PRELID3A: variants seen among roughly 807,000 people sequenced by gnomAD.
The protein encoded by PRELID3A is PRELI domain containing protein 3A.
A neutral mutation model predicts 23.0 loss-of-function variants in PRELID3A; 27 were observed. That is an observed-to-expected ratio of 1.17 (90% CI 0.87 to 1.62). PRELID3A has a LOEUF of 1.62. PRELID3A is among the 40% of genes most tolerant of loss of function. The probability of loss-of-function intolerance (pLI) is 0.00; values close to 1 mark genes in which losing one functional copy is unlikely to be tolerated. For missense variants in PRELID3A, 231 were observed against 231.4 expected, an observed-to-expected ratio of 1.00 and a Z score of 0.01; for synonymous variants, 87 against 86.4, an observed-to-expected ratio of 1.01 and a Z score of -0.04.
intron 1 of PRELID3A, among the ~76,000 whole-genome samples, chr18:12,412,987 C>T (rs1309476397): frequency 6.6e-6 from 1 of 152,148 alleles, no homozygotes; most frequent in Non-Finnish European, 1.5e-5. Flanking sequence ...TCTGCTTCTG[C>T]AGTCTGTGTT....
chr18:12,416,684 T>A (rs990936318), intron 1 of PRELID3A, among the ~76,000 whole-genome samples: 1 of 149,856 alleles, frequency 6.7e-6, no homozygotes, highest in Non-Finnish European at 1.5e-5. Flanking sequence ...CTCACTCTGT[T>A]GCCCAGGGTG....
chr18:12,425,641 A>C (rs1174675854), intron 3 of PRELID3A, among the ~76,000 whole-genome samples: 1 of 147,174 alleles, frequency 6.8e-6, no homozygotes, highest in Admixed American at 6.8e-5. Flanking sequence ...CAAAAAAAAA[A>C]AAAAGTAGAA....
At chr18:12,426,280 T>C (rs544337237) in intron 3 of PRELID3A, among the ~76,000 whole-genome samples, 14 of 150,454 alleles carry the variant, frequency 9.3e-5, no homozygotes, top group East Asian at 7.9e-4. Context: ...ATAGGCCGGG[T>C]GGAGTGGCTC....
At chr18:12,408,206 A>C (rs1403531451) in intron 1 of PRELID3A, among the ~76,000 whole-genome samples, 199 bp downstream of exon 1, 2 of 151,914 alleles carry the variant, frequency 1.3e-5, no homozygotes, top group African/African-American at 4.8e-5. Flanking sequence ...GGTCTGGGCG[A>C]GGCTCTGCGC....
At chr18:12,412,189 C>G (rs1568159984) in intron 1 of PRELID3A, among the ~76,000 whole-genome samples, 3 of 140,594 alleles carry the variant, frequency 2.1e-5, no homozygotes, top group African/African-American at 7.9e-5. Context: ...GGCGCCCGGC[C>G]TTTTTTTTTT....
At chr18:12,428,869 G>T (rs1185887411) in intron 5 of PRELID3A, among the ~76,000 whole-genome samples, 1 of 152,228 alleles carries the variant, frequency 6.6e-6, no homozygotes, top group Non-Finnish European at 1.5e-5. Flanking sequence ...AAAATTTGGG[G>T]TAAACTCAGT....
chr18:12,413,718 GGATTGCAGGT>G (rs544127843), intron 1 of PRELID3A, among the ~76,000 whole-genome samples: 170 of 152,256 alleles, frequency 1.1e-3, no homozygotes, highest in African/African-American at 4.0e-3. Context: ...CAAATAGCTG[GGATTGCAGGT>G]GAGTCTCACC....
At chr18:12,415,518 A>G (rs1425762719) in intron 1 of PRELID3A, among the ~76,000 whole-genome samples, 3 of 152,140 alleles carry the variant, frequency 2.0e-5, no homozygotes, top group Non-Finnish European at 4.4e-5. Context: ...CGGCCTCCCA[A>G]AGTGCTGGGA....
chr18:12,413,168 C>G lies in PRELID3A; in HGVS notation c.32+5161C>G, dbSNP rs551672180. On this transcript the variant is annotated intron_variant, in intron 1 of 6. Transcript: ENST00000440960. ...TTAACACTTAGTTGGAATACAAAACCTGAAACTATAATGAATAGAGTATTG... is the reference window on the plus strand; with the variant it reads ...TTAACACTTAGTTGGAATACAAAACGTGAAACTATAATGAATAGAGTATTG... Among the ~76,000 whole-genome samples, 72 of 152,304 alleles carry G rather than the reference C, an allele frequency of 4.7e-4. 1 individual carries two copies. Among genetic ancestry groups the G allele is most frequent in the African/African-American group, 1.5e-3 (63 of 41,578 alleles).
In PRELID3A at chr18:12,421,569, C is replaced by T. The variant is rs751287145; in HGVS notation, c.231C>T (p.Tyr77=). The part of the protein sequence containing the change: ...AILGTSRTLT[Y]IREHSVVDPV... The stretch of plus-strand genomic sequence containing the variant: ...TGGGAACCAGTAGGACATTGACATA[C>T]ATCCGAGAACATTCTGTGGTGGATC... Residue 77 remains tyrosine, a synonymous_variant, in exon 3 of 7, where the codon TAC becomes TAT. Transcript: ENST00000440960. The T allele has an allele frequency of 1.2e-6, 2 of 1,613,738 alleles. No individual in the cohort carries two copies. The highest frequency in any genetic ancestry group is 1.7e-6 in the Non-Finnish European group (2 of 1,179,674).
intron 1 of PRELID3A, among the ~76,000 whole-genome samples, chr18:12,415,322 C>G (rs1180880549): frequency 6.6e-6 from 1 of 151,512 alleles, no homozygotes; most frequent in Admixed American, 6.6e-5. Context: ...TGCAGTGGTG[C>G]GTTCTTGGCT....
chr18:12,426,228 ACT>A (rs1408453710), intron 3 of PRELID3A, among the ~76,000 whole-genome samples: 1 of 150,662 alleles, frequency 6.6e-6, no homozygotes, highest in Non-Finnish European at 1.5e-5. Context: ...ACAGAGCGAG[ACT>A]CTGTCTCAAA....
chr18:12,427,471 T>C (rs1490867210), intron 5 of PRELID3A, 148 bp downstream of exon 5: 2 of 643,958 alleles, frequency 3.1e-6, no homozygotes, highest in East Asian at 5.5e-5. Flanking sequence ...CCAACGCAGG[T>C]GGACCGCTTG....
chr18:12,427,191 T>C (rs765288998), intron 4 of PRELID3A, 30 bp from the exon 5 acceptor site: 29 of 1,606,110 alleles, frequency 1.8e-5, no homozygotes, highest in Non-Finnish European at 1.7e-6. Flanking sequence ...TCAGGGCTGG[T>C]CAGCCCCTTT....
chr18:12,409,171 T>TTTG (rs1321975528), intron 1 of PRELID3A, among the ~76,000 whole-genome samples: 6 of 137,150 alleles, frequency 4.4e-5, no homozygotes, highest in Non-Finnish European at 9.4e-5. Flanking sequence ...TTTTTTTTTT[T>TTTG]TTTTTTTTTT....
In PRELID3A at chr18:12,427,150, C is replaced by T. The variant is rs372480616; in HGVS notation, c.362+39C>T. 1.1e-4 allele frequency: 170 copies of T among 1,598,232 alleles called. No homozygotes were observed. In the African/African-American group the frequency reaches 1.1e-3, roughly 11 times the overall value. Reference sequence around the variant, plus strand: ...TGTGGGATTGACACATTGAATGCCACGGGTGAGGGCAGGGCAGACCCTCCT... The same window carrying T: ...TGTGGGATTGACACATTGAATGCCATGGGTGAGGGCAGGGCAGACCCTCCT... On this transcript the variant is annotated intron_variant, in intron 4 of 6. Transcript: ENST00000440960.
At chr18:12,429,199 C>A in intron 5 of PRELID3A, 151 bp from the exon 6 acceptor site, 1 of 664,134 alleles carries the variant, frequency 1.5e-6, no homozygotes, top group Non-Finnish European at 2.7e-6. Context: ...GAACTGCCTG[C>A]CTGTGTGAAG....
At chr18:12,408,083 AG>A (rs1909780954) in intron 1 of PRELID3A, 76 bp downstream of exon 1, 1 of 1,190,334 alleles carries the variant, frequency 8.4e-7, no homozygotes, top group African/African-American at 1.6e-5. Flanking sequence ...GGAGCGGTCC[AG>A]GAAAGGCCGG....
intron 3 of PRELID3A, among the ~76,000 whole-genome samples, chr18:12,422,927 A>C (rs1482664562): frequency 3.3e-5 from 5 of 152,214 alleles, no homozygotes; most frequent in Non-Finnish European, 2.9e-5. Context: ...TGGTTCTGCC[A>C]ACGGTATCAA....
Sources: gnomAD v4.1 joint callset for allele counts (sites outside exome capture counted in the v4.1 genomes callset) on GRCh38, gnomAD v4.1.1 for gene constraint, MANE v1.5 for transcripts, NCBI Gene and HGNC (gene_info 2026-07-23, HGNC 2026-07-21) for gene names.